Variants in ARID1B observed in about 807,000 individuals in gnomAD.
ARID1B encodes the protein AT-rich interactive domain-containing protein 1B.
A neutral mutation model predicts 212.3 loss-of-function variants in ARID1B; 30 were observed. The ratio of observed to expected loss-of-function variants is 0.14; its 90% CI spans 0.11 to 0.19. The LOEUF (loss-of-function observed/expected upper bound fraction) is 0.19. Among genes scored for constraint, ARID1B ranks in the 10% least tolerant of loss-of-function variants. The pLI is 1.00. For synonymous variants in ARID1B, 1,402 were observed against 1,301.7 expected (o/e 1.08, Z -1.66); for missense variants, 2,891 against 3,204.0 (o/e 0.90, Z 2.36).
At chr6:156,966,254 A>G (rs1417982171) in intron 4 of ARID1B, among the ~76,000 whole-genome samples, 2 of 152,214 alleles carry the variant, frequency 1.3e-5, no homozygotes, top group Non-Finnish European at 2.9e-5. Context: ...GTCCTCATAT[A>G]TAAGATTTAA....
chr6:157,089,704 T>C (rs1399173255), intron 5 of ARID1B, among the ~76,000 whole-genome samples: 4 of 152,190 alleles, frequency 2.6e-5, no homozygotes, highest in Non-Finnish European at 5.9e-5. Context: ...CTCTCTCCTC[T>C]TCATACTGAT....
chr6:156,947,144 CT>C (rs1793213088), intron 4 of ARID1B, among the ~76,000 whole-genome samples: 1 of 152,176 alleles, frequency 6.6e-6, no homozygotes, highest in Non-Finnish European at 1.5e-5. Context: ...AATTGAAACT[CT>C]GTAGTTCAGT....
intron 4 of ARID1B, among the ~76,000 whole-genome samples, chr6:157,066,806 A>G (rs1416127348): frequency 6.6e-6 from 1 of 152,218 alleles, no homozygotes; most frequent in African/African-American, 2.4e-5. Context: ...TTTTAATTTC[A>G]GAAAAACCGT....
rs77038229 is a variant in ARID1B at position 157,135,297 on chromosome 6, C to T, written c.2761+2090C>T. Among the ~76,000 whole-genome samples, 337 of 152,262 alleles carry T rather than the reference C, an allele frequency of 2.2e-3. 3 individuals carry two copies. Among genetic ancestry groups the T allele is most frequent in the African/African-American group, 7.6e-3 (315 of 41,556 alleles). ...ATTTGCTTCCACTTCTAATGTTCTA[C>T]GAATAAAGCCTTGCTTCAGTTCCAG... On this transcript the variant is annotated intron_variant, in intron 7 of 19. Transcript: ENST00000636930.
chr6:156,793,829 A>G (rs1780174754), intron 1 of ARID1B, among the ~76,000 whole-genome samples: 1 of 152,240 alleles, frequency 6.6e-6, no homozygotes, highest in African/African-American at 2.4e-5. Flanking sequence ...GTGCTATAAT[A>G]AAAAGCAATA....
intron 4 of ARID1B, chr6:157,023,124 T>G (rs1338387084): frequency 6.6e-6 from 1 of 152,224 alleles, no homozygotes; most frequent in Non-Finnish European, 1.5e-5. Context: ...ACAGTTTAAA[T>G]TAAGTTGAAT....
At chr6:156,829,557 T>A in intron 2 of ARID1B, 136 bp downstream of exon 2, 1 of 1,016,584 alleles carries the variant, frequency 9.8e-7, no homozygotes, top group Non-Finnish European at 1.4e-6. Flanking sequence ...ATTGTTTCTT[T>A]AATCACAGGT....
chr6:157,069,113 AT>A (rs201943299), intron 4 of ARID1B, among the ~76,000 whole-genome samples: 7 of 151,176 alleles, frequency 4.6e-5, no homozygotes, highest in African/African-American at 1.5e-4. Flanking sequence ...TACTGTGGTT[AT>A]TTTTTTTTCT....
At chr6:157,130,824 A>G (rs1345244613) in intron 6 of ARID1B, among the ~76,000 whole-genome samples, 1 of 152,198 alleles carries the variant, frequency 6.6e-6, no homozygotes, top group Non-Finnish European at 1.5e-5. Flanking sequence ...TGAAGCAGAA[A>G]CCTGCCCGTC....
At chr6:157,013,924 T>C (rs1417389316) in intron 4 of ARID1B, among the ~76,000 whole-genome samples, 2 of 152,222 alleles carry the variant, frequency 1.3e-5, no homozygotes, top group African/African-American at 4.8e-5. Flanking sequence ...TGCCTTGACT[T>C]TGTACATTGC....
At chr6:157,104,322 T>C (rs1380842918) in intron 5 of ARID1B, among the ~76,000 whole-genome samples, 1 of 152,240 alleles carries the variant, frequency 6.6e-6, no homozygotes, top group Admixed American at 6.5e-5. Flanking sequence ...TCTAGAGGCA[T>C]TTCCACTAAG....
At chr6:157,182,673 G>T (rs554291368) in intron 12 of ARID1B, among the ~76,000 whole-genome samples, 1 of 152,292 alleles carries the variant, frequency 6.6e-6, no homozygotes, top group South Asian at 2.1e-4. Flanking sequence ...CCATTCCATG[G>T]GGGAACTGAG....
At chr6:156,852,446 G>C (rs1021583007) in intron 2 of ARID1B, among the ~76,000 whole-genome samples, 13 of 148,034 alleles carry the variant, frequency 8.8e-5, no homozygotes, top group African/African-American at 3.0e-4. Context: ...AGAAGACTCT[G>C]TTTCCCTGTC....
chr6:156,844,333 C>T (rs1784092084), intron 2 of ARID1B, among the ~76,000 whole-genome samples: 1 of 152,170 alleles, frequency 6.6e-6, no homozygotes, highest in Non-Finnish European at 1.5e-5. Flanking sequence ...GAAGAAAATT[C>T]CTACTCTGTC....
At chr6:156,813,443 C>G (rs1287703903) in intron 1 of ARID1B, among the ~76,000 whole-genome samples, 3 of 152,096 alleles carry the variant, frequency 2.0e-5, no homozygotes, top group Non-Finnish European at 2.9e-5. Context: ...ACCGGACCCT[C>G]CTTGTAACCC....
chr6:156,823,046 T>A (rs1458456085), intron 1 of ARID1B, among the ~76,000 whole-genome samples: 1 of 152,244 alleles, frequency 6.6e-6, no homozygotes, highest in Non-Finnish European at 1.5e-5. Flanking sequence ...CCACTGTGGC[T>A]GACCCCGATC....
chr6:156,868,385 A>C (rs1031796956), intron 2 of ARID1B, among the ~76,000 whole-genome samples: 44 of 152,250 alleles, frequency 2.9e-4, no homozygotes, highest in Non-Finnish European at 1.0e-4. Flanking sequence ...AGAAATGCTG[A>C]AAGGGTTTAT....
rs189219302 is a variant in ARID1B at position 157,165,677 on chromosome 6, C to T, written c.3090-1363C>T. 1.2e-3 allele frequency among the ~76,000 whole-genome samples: 182 copies of T among 152,136 alleles called. 2 individuals are homozygous for T. The East Asian group carries it at 0.019, about 16-fold the overall frequency. On this transcript the variant is annotated intron_variant, in intron 8 of 19. Transcript: ENST00000636930. ...TGGCCTGGGCAACATGGCAAAACCC[C>T]GTCTCTACAAAAATACAAAAATTAG...
chr6:156,921,162 T>C (rs1790754492), intron 3 of ARID1B, among the ~76,000 whole-genome samples: 1 of 152,146 alleles, frequency 6.6e-6, no homozygotes, highest in South Asian at 2.1e-4. Flanking sequence ...AGGATGAATA[T>C]ATTAGTCACC....
Sources: allele counts gnomAD v4.1 joint callset (sites outside exome capture counted in the v4.1 genomes callset), GRCh38; gene constraint gnomAD v4.1.1; transcripts MANE v1.5; gene names NCBI Gene and HGNC (gene_info 2026-07-23, HGNC 2026-07-21).